Variants in RAB7B observed in about 807,000 individuals in gnomAD.
RAB7B encodes ras-related protein Rab-7b.
At chr1:205,982,770 C>T (rs972439911) in intron 5 of RAB7B, among the ~76,000 whole-genome samples, 1 of 152,136 alleles carries the variant, frequency 6.6e-6, no homozygotes, top group East Asian at 1.9e-4. Flanking sequence ...TCTCAAAACA[C>T]CCTGGGCTGG....
At chr1:205,982,269 T>C (rs1660508219) in intron 5 of RAB7B, among the ~76,000 whole-genome samples, 2 of 152,240 alleles carry the variant, frequency 1.3e-5, no homozygotes, top group South Asian at 2.1e-4. Flanking sequence ...TTTGCCAAGC[T>C]AGAAACCTGG....
intron 4 of RAB7B, among the ~76,000 whole-genome samples, chr1:205,989,774 T>C (rs1183982723): frequency 3.3e-5 from 5 of 152,104 alleles, no homozygotes; most frequent in Non-Finnish European, 7.4e-5. Flanking sequence ...GGAAAAGCCC[T>C]AGTCCAAGTT....
intron 5 of RAB7B, among the ~76,000 whole-genome samples, chr1:205,982,860 C>T (rs1660520756): frequency 1.3e-5 from 2 of 152,222 alleles, no homozygotes; most frequent in Admixed American, 1.3e-4. Flanking sequence ...TCTTTGACCT[C>T]AAAATCTGTA....
At chr1:205,979,160 G>A (rs1295969206) in intron 5 of RAB7B, among the ~76,000 whole-genome samples, 2 of 152,064 alleles carry the variant, frequency 1.3e-5, no homozygotes, top group African/African-American at 2.4e-5. Context: ...CTGAATTAGC[G>A]GCCCAAGTCT....
Position 205,999,880 on chromosome 1 carries a change from C to T in RAB7B, c.-17+3373G>A, listed in dbSNP as rs996373675. On this transcript the variant is annotated intron_variant, in intron 1 of 5. Coordinates refer to ENST00000617070, the MANE Select transcript of RAB7B (RefSeq NM_001164522.3). ...ATTCCTGGGCTGAAGTGATCCTCCC[C>T]CCTCAACCTCCCAGGTAGCTGGGAC... Among the ~76,000 whole-genome samples the T allele has an allele frequency of 2.3e-3, 353 of 152,274 alleles. 1 individual carries two copies. Among genetic ancestry groups the T allele is most frequent in the African/African-American group, 7.7e-3 (321 of 41,556 alleles).
intron 1 of RAB7B, among the ~76,000 whole-genome samples, chr1:206,001,588 T>C (rs1363034308): frequency 2.6e-5 from 4 of 152,220 alleles, no homozygotes; most frequent in Non-Finnish European, 4.4e-5. Flanking sequence ...AGTCATCCTC[T>C]ACTGTTAAGT....
chr1:206,001,400 A>G (rs1660888541), intron 1 of RAB7B, among the ~76,000 whole-genome samples: 4 of 152,070 alleles, frequency 2.6e-5, no homozygotes, highest in Admixed American at 2.6e-4. Context: ...GGTAATGTGT[A>G]TCATTAAGGA....
chr1:205,997,040 A>G (rs1660820970), intron 1 of RAB7B, among the ~76,000 whole-genome samples: 1 of 152,320 alleles, frequency 6.6e-6, no homozygotes, highest in South Asian at 2.1e-4. Flanking sequence ...ATCATAGACC[A>G]AAGGCGATTT....
At chr1:205,988,251 T>TTTTTTC (rs1265665986) in intron 4 of RAB7B, among the ~76,000 whole-genome samples, 2 of 131,960 alleles carry the variant, frequency 1.5e-5, no homozygotes, top group Admixed American at 7.7e-5. Context: ...TTTTTTCTTT[T>TTTTTTC]AGTGTCTTGC....
intron 2 of RAB7B, 112 bp downstream of exon 2, chr1:205,993,971 G>A (rs996163338): frequency 2.5e-6 from 1 of 397,546 alleles, no homozygotes; most frequent in South Asian, 1.3e-4. Flanking sequence ...TACAGTTGCT[G>A]GTGTCACCCT....
intron 1 of RAB7B, among the ~76,000 whole-genome samples, chr1:205,996,756 G>A (rs1168954797): frequency 2.0e-5 from 3 of 152,138 alleles, no homozygotes; most frequent in Non-Finnish European, 4.4e-5. Context: ...TGGCTGGGGA[G>A]GCCTCAGGAA....
intron 5 of RAB7B, among the ~76,000 whole-genome samples, chr1:205,980,736 T>C (rs1285874533): frequency 1.3e-5 from 2 of 152,182 alleles, no homozygotes; most frequent in Non-Finnish European, 1.5e-5. Flanking sequence ...GAACTGGGCC[T>C]CTAGGCAATA....
intron 1 of RAB7B, among the ~76,000 whole-genome samples, chr1:206,000,733 C>T (rs1660878393): frequency 6.6e-6 from 1 of 152,208 alleles, no homozygotes; most frequent in African/African-American, 2.4e-5. Flanking sequence ...TAAACACTTC[C>T]ACCATGGCTG....
intron 1 of RAB7B, among the ~76,000 whole-genome samples, chr1:206,000,980 C>T (rs1255649363): frequency 6.6e-6 from 1 of 152,214 alleles, no homozygotes; most frequent in Non-Finnish European, 1.5e-5. Flanking sequence ...CTCCCACATT[C>T]CACCCCCTCC....
intron 1 of RAB7B, among the ~76,000 whole-genome samples, chr1:205,999,280 A>T (rs1231921654): frequency 6.6e-6 from 1 of 152,248 alleles, no homozygotes; most frequent in Non-Finnish European, 1.5e-5. Flanking sequence ...GCACTCATAC[A>T]GATAATAAAA....
At chr1:205,992,140 A>T (rs1660731662) in intron 4 of RAB7B, among the ~76,000 whole-genome samples, 1 of 152,048 alleles carries the variant, frequency 6.6e-6, no homozygotes, top group Non-Finnish European at 1.5e-5. Flanking sequence ...GGACAAAATT[A>T]CCTTTAGTTC....
chr1:205,980,577 C>A (rs978648084), intron 5 of RAB7B, among the ~76,000 whole-genome samples: 4 of 152,192 alleles, frequency 2.6e-5, no homozygotes, highest in African/African-American at 9.6e-5. Flanking sequence ...TGTCTCTGTT[C>A]CCCCAGTCTG....
At chr1:205,996,454 T>G (rs1454185917) in intron 1 of RAB7B, among the ~76,000 whole-genome samples, 1 of 152,146 alleles carries the variant, frequency 6.6e-6, no homozygotes, top group Non-Finnish European at 1.5e-5. Context: ...CTTGGGCCAG[T>G]TACTTCCCCT....
chr1:206,002,262 C>G lies in RAB7B; in HGVS notation c.-17+991G>C, dbSNP rs1057497121. 3.2e-3 allele frequency among the ~76,000 whole-genome samples: 482 copies of G among 152,290 alleles called. 5 individuals are homozygous for G. The highest frequency in any genetic ancestry group is 0.011 in the African/African-American group (462 of 41,560). On this transcript the variant is annotated intron_variant, in intron 1 of 5. Coordinates refer to ENST00000617070, the MANE Select transcript of RAB7B (RefSeq NM_001164522.3). ...AACCCTAGCAGGTCTAGACCTGCTC[C>G]CTCTGGGAAGTGTACCTACAGCCCT...
Sources: allele counts gnomAD v4.1 joint callset (sites outside exome capture counted in the v4.1 genomes callset), GRCh38; gene constraint gnomAD v4.1.1; transcripts MANE v1.5; gene names NCBI Gene and HGNC (gene_info 2026-07-23, HGNC 2026-07-21).